Variants in SLTM observed in about 807,000 individuals in gnomAD.
The protein encoded by SLTM is SAFB-like transcription modulator.
In SLTM, 43 loss-of-function variants were observed where a neutral mutation model predicts 134.6. The observed-to-expected ratio is 0.32, with a 90% CI of 0.25 to 0.41. The LOEUF (loss-of-function observed/expected upper bound fraction) is 0.41, where lower values mean the gene tolerates loss of function less well. SLTM is among the 10% of genes least tolerant of loss of function. The pLI is 1.00. For missense variants in SLTM, 1,055 were observed against 1,288.8 expected, an observed-to-expected ratio of 0.82 and a Z score of 2.78; for synonymous variants, 424 against 432.3, an observed-to-expected ratio of 0.98 and a Z score of 0.24.
rs142522051 is a variant in SLTM at position 58,930,984 on chromosome 15, T to C, written c.250+1372A>G. ...CAACTCAAACAACCTGGGACTATGATTAATACACAGTACCTGTCAAACTAG... is the reference window on the plus strand; with the variant it reads ...CAACTCAAACAACCTGGGACTATGACTAATACACAGTACCTGTCAAACTAG... On this transcript the variant is annotated intron_variant, in intron 2 of 20. Coordinates refer to ENST00000380516, the MANE Select transcript of SLTM (RefSeq NM_024755.4). Among the ~76,000 whole-genome samples, 985 of 152,178 alleles carry C rather than the reference T, an allele frequency of 6.5e-3. 6 individuals carry two copies. The highest frequency in any genetic ancestry group is 0.01 in the Non-Finnish European group (686 of 67,986).
In SLTM at chr15:58,899,383, G is replaced by T; in HGVS notation, c.1058+86C>A. On this transcript the variant is annotated intron_variant, in intron 7 of 20. Transcript: ENST00000380516. This position sits in a 1 kb window ranked among gnomAD's most constrained non-coding sequence, Gnocchi z 5.0. The stretch of plus-strand genomic sequence containing the variant: ...TCATAAGACACTAATTACTGTACAT[G>T]TTCTTGAAGCCACCCCCTTAATGTA... 1 of 1,068,422 alleles carries T rather than the reference G, an allele frequency of 9.4e-7. No individual in the cohort carries two copies. 66.2% of individuals were successfully genotyped at this position (1,068,422 alleles called of 1,614,324 possible).
chr15:58,883,581 A>C (rs189568961), intron 20 of SLTM, 45 bp downstream of exon 20: 8 of 1,608,386 alleles, frequency 5.0e-6, no homozygotes, highest in Non-Finnish European at 6.8e-6. Flanking sequence ...TGGAAAGGAT[A>C]AAGTGTTGGT....
Position 58,912,997 on chromosome 15 carries a change from A to G in SLTM, c.514-387T>C, listed in dbSNP as rs146365897. Among the ~76,000 whole-genome samples the G allele has an allele frequency of 1.9e-3, 295 of 152,348 alleles. 9 individuals carry two copies. The highest frequency in any genetic ancestry group is 0.013 in the East Asian group (66 of 5,190). ...TTATCTGCTTTAAAATTAAACTTTC[A>G]TAAGTAATTCCCCACCCTTGATATA... is the stretch of plus-strand genomic sequence containing the variant. On this transcript the variant is annotated intron_variant, in intron 4 of 20. Coordinates refer to ENST00000380516, the MANE Select transcript of SLTM (RefSeq NM_024755.4).
At chr15:58,882,194 C>CA (rs1491529353) in intron 20 of SLTM, among the ~76,000 whole-genome samples, 3 of 17,808 alleles carry the variant, frequency 1.7e-4, no homozygotes, top group Non-Finnish European at 3.6e-4. Context: ...AAAAAAAAAA[C>CA]CACACTTAGA....
chr15:58,900,080 G>T, intron 6 of SLTM, 143 bp from the exon 7 acceptor site: 1 of 646,440 alleles, frequency 1.5e-6, no homozygotes. Context: ...AAACACAAGG[G>T]TATTAACTAA....
At chr15:58,892,743 A>C (rs542157690) in intron 14 of SLTM, among the ~76,000 whole-genome samples, 154 bp downstream of exon 14, 7 of 152,228 alleles carry the variant, frequency 4.6e-5, no homozygotes, top group Non-Finnish European at 8.8e-5. Context: ...GTAAAGTGCT[A>C]TGCAAACTTA....
At chr15:58,908,777 AAC>A (rs200871310) in intron 5 of SLTM, among the ~76,000 whole-genome samples, 1 of 152,166 alleles carries the variant, frequency 6.6e-6, no homozygotes, top group African/African-American at 2.4e-5. Context: ...AAGAACTTAA[AAC>A]ACAGTGTTCA....
intron 5 of SLTM, among the ~76,000 whole-genome samples, chr15:58,910,512 A>G (rs948991420): frequency 2.0e-5 from 3 of 152,186 alleles, no homozygotes; most frequent in Non-Finnish European, 4.4e-5. Flanking sequence ...TCCTTCAGAT[A>G]TATTTCCATC....
At position 58,894,073 on chromosome 15, in the gene SLTM, T is replaced by C. The variant is rs2034880178; in HGVS notation, c.1481+17A>G. The stretch of plus-strand genomic sequence containing the variant: ...CTATCTGCTTATCAAAATAAATAAA[T>C]AAAAATAAATCCTTACTTGCTACTT... On this transcript the variant is annotated intron_variant, in intron 11 of 20. Coordinates refer to ENST00000380516, the MANE Select transcript of SLTM (RefSeq NM_024755.4). 6.3e-7 allele frequency: 1 copy of C among 1,590,778 alleles called. No individual in the cohort carries two copies. Among genetic ancestry groups the C allele is most frequent in the African/African-American group, 1.4e-5 (1 of 73,346 alleles).
intron 5 of SLTM, among the ~76,000 whole-genome samples, chr15:58,910,845 AGCCATTCTCCT>A (rs2141108677): frequency 6.6e-6 from 1 of 151,448 alleles, no homozygotes; most frequent in Admixed American, 6.6e-5. Context: ...CCCAGGTTCA[AGCCATTCTCCT>A]GCCTCAGCCT....
rs560365630 is a variant in SLTM at position 58,890,987 on chromosome 15, A to G, written c.1899-526T>C. 1.2e-4 allele frequency among the ~76,000 whole-genome samples: 19 copies of G among 152,360 alleles called. No individual in the cohort carries two copies. In the East Asian group the frequency reaches 3.3e-3, roughly 26 times the overall value. On this transcript the variant is annotated intron_variant, in intron 14 of 20. Transcript: ENST00000380516. ...TATTTTGGAATGTTTACTATCCTAT[A>G]ATAGATGGCTCCAGGTAACATGCTT...
chr15:58,928,834 C>G (rs1480745806), intron 2 of SLTM, among the ~76,000 whole-genome samples: 1 of 152,210 alleles, frequency 6.6e-6, no homozygotes, highest in Non-Finnish European at 1.5e-5. Context: ...ATAATTACCT[C>G]TACGTAATCC....
At chr15:58,888,307 C>T in intron 17 of SLTM, 78 bp downstream of exon 17, 1 of 1,297,490 alleles carries the variant, frequency 7.7e-7, no homozygotes, top group Non-Finnish European at 1.1e-6. Flanking sequence ...CTGGTACTTC[C>T]AGTTAAGATT....
At chr15:58,916,009 C>T (rs1473950502) in intron 3 of SLTM, among the ~76,000 whole-genome samples, 1 of 152,056 alleles carries the variant, frequency 6.6e-6, no homozygotes, top group Admixed American at 6.6e-5. Flanking sequence ...TTAAAAATAG[C>T]TTGTTCTATA....
rs762322084 is a variant in SLTM, at chr15:58,894,110, A to AT, written c.1460dup (p.Asn487LysfsTer4). 15 of 1,604,650 alleles carry AT rather than the reference A, an allele frequency of 9.3e-6. No homozygotes were observed. Among genetic ancestry groups the AT allele is most frequent in the Admixed American group, 3.5e-5 (2 of 57,812 alleles). Reference sequence around the variant, plus strand: ...CTTACTTGCTACTTCTATCACTCGTATTTTTTTTATCTCCAGAACTTCTTG... The same window carrying AT: ...CTTACTTGCTACTTCTATCACTCGTATTTTTTTTTATCTCCAGAACTTCTTG... On this transcript the variant is annotated frameshift_variant, in exon 11 of 21. Coordinates refer to ENST00000380516, the MANE Select transcript of SLTM (RefSeq NM_024755.4). LOFTEE classifies it high-confidence loss of function.
chr15:58,913,052 T>C (rs905361893), intron 4 of SLTM, among the ~76,000 whole-genome samples: 1 of 152,220 alleles, frequency 6.6e-6, no homozygotes, highest in Non-Finnish European at 1.5e-5. Context: ...AAGTAACCTT[T>C]TATACTTGCT....
chr15:58,900,746 G>A (rs1184362352), intron 6 of SLTM: 1 of 158,036 alleles, frequency 6.3e-6, no homozygotes, highest in African/African-American at 2.4e-5. Context: ...CACATGTATT[G>A]CTACTGTTGC....
At chr15:58,932,523 CA>C in intron 1 of SLTM, 80 bp from the exon 2 acceptor site, 1 of 1,066,862 alleles carries the variant, frequency 9.4e-7, no homozygotes, top group Admixed American at 1.9e-5. Context: ...AAAAATTTAG[CA>C]AACCTCAAGC....
chr15:58,887,385 C>T lies in SLTM; in HGVS notation c.2531G>A (p.Arg844Gln), dbSNP rs367572128. The T allele has an allele frequency of 5.9e-5, 95 of 1,613,828 alleles. No homozygotes were observed. Among genetic ancestry groups the T allele is most frequent in the Admixed American group, 1.7e-4 (10 of 59,986 alleles). Reference protein sequence around the residue: ...PRNELRESDRREVRGERDERR... With the variant: ...PRNELRESDRQEVRGERDERR... Reference sequence around the variant, plus strand: ...TTCGTCTCGCTCCCCTCGTACTTCTCGCCTGTCTGATTCTCTAAGTTCATT... The same window carrying T: ...TTCGTCTCGCTCCCCTCGTACTTCTTGCCTGTCTGATTCTCTAAGTTCATT... Residue 844 changes from arginine to glutamine, a missense_variant, in exon 18 of 21, where the codon CGA becomes CAA. Around this residue, in one of 3 missense-constraint regions of SLTM, gnomAD observed 776 missense variants for 962.2 expected, o/e 0.81. Transcript: ENST00000380516.
Sources: allele counts gnomAD v4.1 joint callset (sites outside exome capture counted in the v4.1 genomes callset), GRCh38; gene constraint gnomAD v4.1.1; regional missense constraint gnomAD v4.1.1; non-coding constraint Gnocchi (gnomAD v3.1); transcripts MANE v1.5; gene names NCBI Gene and HGNC (gene_info 2026-07-23, HGNC 2026-07-21).